FAM20A: variants seen among roughly 807,000 people sequenced by gnomAD.
FAM20A encodes FAM20A golgi associated secretory pathway pseudokinase.
FAM20A carries 42 observed loss-of-function variants against 52.0 expected under a neutral mutation model. That is an observed-to-expected ratio of 0.81 (90% CI 0.63 to 1.04). FAM20A has a LOEUF of 1.04. Ranked by LOEUF, FAM20A falls within the 50% of genes least tolerant of loss-of-function variation. The pLI, the probability that FAM20A is intolerant of heterozygous loss-of-function variation, is 0.00. For synonymous variants in FAM20A, 304 were observed against 298.9 expected, an observed-to-expected ratio of 1.02 and a Z score of -0.18; for missense variants, 742 against 712.7, an observed-to-expected ratio of 1.04 and a Z score of -0.47.
chr17:68,579,598 G>A (rs59827647), intron 1 of FAM20A, among the ~76,000 whole-genome samples: 7,566 of 152,206 alleles, frequency 0.05, 588 homozygotes, highest in African/African-American at 0.17. Context: ...TTCTGTTAGA[G>A]CAACAGCTTA....
rs981770103 is a variant in FAM20A, at chr17:68,537,836, C to T, written c.1362-95G>A. ...CCACAAACAGCTGTTGTAGCTGATA[C>T]TCTTGGCGCCTCTCCTTGTGTCTTC... On this transcript the variant is annotated intron_variant, in intron 10 of 10. Coordinates refer to ENST00000592554, the MANE Select transcript of FAM20A (RefSeq NM_017565.4). The surrounding 1 kb of genome is among the most constrained non-coding windows in gnomAD (Gnocchi z 4.2). 3 of 1,353,300 alleles carry T rather than the reference C, an allele frequency of 2.2e-6. No individual in the cohort carries two copies. The highest frequency in any genetic ancestry group is 5.0e-5 in the East Asian group (2 of 40,158). 83.8% of individuals were successfully genotyped at this position (1,353,300 alleles called of 1,614,324 possible).
At chr17:68,565,605 G>A (rs1010633810) in intron 1 of FAM20A, among the ~76,000 whole-genome samples, 1 of 151,926 alleles carries the variant, frequency 6.6e-6, no homozygotes, top group Admixed American at 6.6e-5. Context: ...CGTTGGTCAG[G>A]CTGGTTTTGA....
chr17:68,581,350 T>TTTTTTCTCTTTC (rs1347976030), intron 1 of FAM20A, among the ~76,000 whole-genome samples: 3 of 92,216 alleles, frequency 3.3e-5, no homozygotes, highest in African/African-American at 1.4e-4. Flanking sequence ...GAAATGCAGT[T>TTTTTTCTCTTTC]TTTCTTTCTT....
At chr17:68,555,029 C>G (rs945431333) in intron 2 of FAM20A, among the ~76,000 whole-genome samples, 1 of 152,172 alleles carries the variant, frequency 6.6e-6, no homozygotes, top group African/African-American at 2.4e-5. Context: ...CCCCTGCTCT[C>G]TAGCCCTTCA....
chr17:68,553,292 A>G (rs1176560202), intron 3 of FAM20A, among the ~76,000 whole-genome samples: 3 of 152,230 alleles, frequency 2.0e-5, no homozygotes, highest in African/African-American at 7.2e-5. Context: ...CCTCCTAGCC[A>G]TGCTTCCTGT....
chr17:68,581,135 A>C (rs1311925849), intron 1 of FAM20A, among the ~76,000 whole-genome samples: 1 of 152,194 alleles, frequency 6.6e-6, no homozygotes, highest in African/African-American at 2.4e-5. Flanking sequence ...AAAGCAACCT[A>C]TACTTCCAGA....
Position 68,554,804 on chromosome 17 carries a change from A to G in FAM20A, c.613T>C (p.Leu205=), listed in dbSNP as rs756233713. The stretch of plus-strand genomic sequence containing the variant: ...TGGGTGCAGTCACATGCCCCCAGCA[A>G]GGCTTTCTCATCTTGACTGTAATCT... ...SADYSQDEKA[L]LGACDCTQIV... Residue 205 remains leucine, a synonymous_variant, in exon 3 of 11, where the codon TTG becomes CTG. Transcript: ENST00000592554. 6.2e-7 allele frequency: 1 copy of G among 1,614,148 alleles called. No individual in the cohort carries two copies. Among genetic ancestry groups the G allele is most frequent in the Admixed American group, 1.7e-5 (1 of 60,032 alleles).
intron 1 of FAM20A, among the ~76,000 whole-genome samples, chr17:68,587,016 G>A (rs9911485): frequency 0.049 from 7,423 of 152,106 alleles, 291 homozygotes; most frequent in East Asian, 0.12. Context: ...TCAGCCTCCC[G>A]AGTAGCTGGG....
chr17:68,554,194 G>C (rs987117937), intron 3 of FAM20A, among the ~76,000 whole-genome samples: 1 of 151,810 alleles, frequency 6.6e-6, no homozygotes, highest in Non-Finnish European at 1.5e-5. Flanking sequence ...GCAGTGGCAC[G>C]ATCTCAGTTC....
At chr17:68,574,152 C>A (rs896865057) in intron 1 of FAM20A, among the ~76,000 whole-genome samples, 1 of 151,962 alleles carries the variant, frequency 6.6e-6, no homozygotes, top group African/African-American at 2.4e-5. Flanking sequence ...GCAGCCTCAA[C>A]CTTCTAGGCC....
rs34017561 is a variant in FAM20A at position 68,539,954 on chromosome 17, C to T, written c.1232G>A (p.Arg411Gln). ...CTTGGTGAACATCTCATAATGGTGC[C>T]GGTCCATATTCCCTGTGAAGGAGGG... ...IFDFLIGNMD[R>Q]HHYEMFTKFG... Residue 411 changes from arginine (R) to glutamine (Q), a missense_variant, in exon 9 of 11, where the codon CGG (arginine) becomes CAG (glutamine). Arg to Gln is a conservative substitution (Grantham distance 43). Coordinates refer to ENST00000592554, the MANE Select transcript of FAM20A (RefSeq NM_017565.4). 127 of 1,613,982 alleles carry T rather than the reference C, an allele frequency of 7.9e-5. No homozygotes were observed. Among genetic ancestry groups the T allele is most frequent in the East Asian group, 4.5e-5 (2 of 44,876 alleles).
At chr17:68,595,889 TG>T (rs2088437903) in intron 1 of FAM20A, among the ~76,000 whole-genome samples, 1 of 152,112 alleles carries the variant, frequency 6.6e-6, no homozygotes, top group Non-Finnish European at 1.5e-5. Context: ...ATGGGGGAGC[TG>T]GGGCAGGGAG....
At position 68,554,760 on chromosome 17, in the gene FAM20A, G is replaced by C; in HGVS notation, c.640+17C>G. ...GAGGGTGAAGAGGCTGGGTGGGGGT[G>C]GGGCTAGGTCACTTACTCTGGGTGC... On this transcript the variant is annotated intron_variant, in intron 3 of 10. Transcript: ENST00000592554. 1 of 1,613,158 alleles carries C rather than the reference G, an allele frequency of 6.2e-7. No homozygotes were observed.
At chr17:68,592,110 A>G (rs980873049) in intron 1 of FAM20A, among the ~76,000 whole-genome samples, 4 of 151,322 alleles carry the variant, frequency 2.6e-5, no homozygotes, top group East Asian at 3.9e-4. Flanking sequence ...AATGACCCCA[A>G]TTACAAAACT....
intron 1 of FAM20A, among the ~76,000 whole-genome samples, chr17:68,559,982 T>G (rs2087164334): frequency 6.6e-6 from 1 of 152,166 alleles, no homozygotes. Context: ...GTGTTACCCC[T>G]AAATTCATAT....
At chr17:68,575,446 A>C (rs1240176267) in intron 1 of FAM20A, among the ~76,000 whole-genome samples, 1 of 87,870 alleles carries the variant, frequency 1.1e-5, no homozygotes, top group Admixed American at 1.4e-4. Context: ...TTTATATATT[A>C]TATATTTTAT....
At chr17:68,557,177 G>C (rs1406966013) in intron 1 of FAM20A, among the ~76,000 whole-genome samples, 6 of 151,850 alleles carry the variant, frequency 4.0e-5, no homozygotes, top group East Asian at 1.9e-4. Context: ...TCCAGCCTGG[G>C]CGACAGAGCG....
intron 4 of FAM20A, among the ~76,000 whole-genome samples, chr17:68,549,564 T>C (rs1304256558): frequency 6.6e-6 from 1 of 152,158 alleles, no homozygotes; most frequent in Non-Finnish European, 1.5e-5. Context: ...ACAGAATCTA[T>C]GGACCTGGTG....
intron 1 of FAM20A, among the ~76,000 whole-genome samples, chr17:68,565,457 G>C (rs577266698): frequency 7.3e-6 from 1 of 136,810 alleles, no homozygotes; most frequent in East Asian, 2.4e-4. Context: ...GCAGTGGCCC[G>C]GTCTTGGTTC....
Sources: gnomAD v4.1 joint callset for allele counts (sites outside exome capture counted in the v4.1 genomes callset) on GRCh38, gnomAD v4.1.1 for gene constraint, Gnocchi (gnomAD v3.1) non-coding constraint, MANE v1.5 for transcripts, NCBI Gene and HGNC (gene_info 2026-07-23, HGNC 2026-07-21) for gene names.